The following SLC7A8 variants were observed in gnomAD, a reference collection of about 807,000 sequenced individuals.
The protein encoded by SLC7A8 is solute carrier family 7 member 8, also known as large neutral amino acids transporter small subunit 2.
In SLC7A8, 30 loss-of-function variants were observed where a neutral mutation model predicts 51.2. The observed-to-expected ratio is 0.59, with a 90% CI of 0.44 to 0.80. The LOEUF is 0.80. Among genes scored for constraint, SLC7A8 ranks in the 30% least tolerant of loss-of-function variants. The pLI, the probability that SLC7A8 is intolerant of heterozygous loss-of-function variation, is 0.00. For missense variants in SLC7A8, 612 were observed against 674.4 expected (o/e 0.91, Z 1.03); for synonymous variants, 257 against 275.8 (o/e 0.93, Z 0.67).
chr14:23,164,244 C>G (rs1215256811), intron 3 of SLC7A8, among the ~76,000 whole-genome samples: 1 of 152,232 alleles, frequency 6.6e-6, no homozygotes, highest in East Asian at 1.9e-4. Context: ...TGGACAAACC[C>G]TTCTCCAAGA....
At chr14:23,158,875 C>T (rs1387051289) in intron 3 of SLC7A8, among the ~76,000 whole-genome samples, 1 of 152,184 alleles carries the variant, frequency 6.6e-6, no homozygotes, top group East Asian at 1.9e-4. Context: ...GCCTAGCCTG[C>T]TTGTCTCTCT....
At chr14:23,130,572 G>C (rs1189081836) in intron 8 of SLC7A8, among the ~76,000 whole-genome samples, 2 of 152,048 alleles carry the variant, frequency 1.3e-5, no homozygotes, top group African/African-American at 4.8e-5. Context: ...TGCACCAATA[G>C]CTCTAACTGG....
At chr14:23,170,415 C>T (rs78832146) in intron 1 of SLC7A8, among the ~76,000 whole-genome samples, 3,352 of 152,170 alleles carry the variant, frequency 0.022, 134 homozygotes, top group African/African-American at 0.076. Flanking sequence ...TGACTATGAA[C>T]CTACCTATCT....
Position 23,165,592 on chromosome 14 carries a change from C to T in SLC7A8, c.357-156G>A, listed in dbSNP as rs2048945605. Among the ~76,000 whole-genome samples, 1 of 106,850 alleles carries T rather than the reference C, an allele frequency of 9.4e-6. No homozygotes were observed. Among genetic ancestry groups the T allele is most frequent in the Non-Finnish European group, 1.9e-5 (1 of 52,272 alleles). The allele number at this position is 106,850 out of a possible 152,430, so 70.1% of individuals were successfully genotyped here. A position where few individuals can be genotyped will look rare whatever the true frequency, so the allele number is the denominator to read the frequency against. The stretch of plus-strand genomic sequence containing the variant: ...CACAAATGAGACACCCAGCCCTCTG[C>T]AGTGACAATAAAATGGTTTAATGAA... On this transcript the variant is annotated intron_variant, in intron 2 of 10. Transcript: ENST00000316902. This position sits in a 1 kb window ranked among gnomAD's most constrained non-coding sequence, Gnocchi z 4.2.
At position 23,182,957 on chromosome 14, in the gene SLC7A8, T is replaced by C. The variant is rs1306866509; in HGVS notation, c.-43A>G. On this transcript the variant is annotated 5_prime_UTR_variant, in exon 1 of 11. Coordinates refer to ENST00000316902, the MANE Select transcript of SLC7A8 (RefSeq NM_012244.4). ...CAACCTCAAAAGCTGCCTCCCTTTC[T>C]AAATGCGTATTCGTGTAAATATATT... 6.2e-7 allele frequency: 1 copy of C among 1,613,076 alleles called. No individual in the cohort carries two copies. Among genetic ancestry groups the C allele is most frequent in the African/African-American group, 1.3e-5 (1 of 74,866 alleles).
rs2048949726 is a variant in SLC7A8, at chr14:23,166,321, C to T, written c.356+15G>A. 6 of 1,612,004 alleles carry T rather than the reference C, an allele frequency of 3.7e-6. No individual in the cohort carries two copies. In the South Asian group the frequency reaches 4.4e-5, roughly 12 times the overall value. ...TTTTCCCCTAGACCATTCAGGTCTC[C>T]ACAGATCCTCTTACCCAGCCAGTCC... On this transcript the variant is annotated intron_variant, in intron 2 of 10. Transcript: ENST00000316902.
chr14:23,159,655 G>A (rs1001259998), intron 3 of SLC7A8, among the ~76,000 whole-genome samples: 1 of 152,168 alleles, frequency 6.6e-6, no homozygotes, highest in Non-Finnish European at 1.5e-5. Context: ...CTGAGGTCAA[G>A]GGATTGATTA....
At chr14:23,155,406 C>A in intron 3 of SLC7A8, 1 of 1,455,760 alleles carries the variant, frequency 6.9e-7, no homozygotes, top group Non-Finnish European at 9.0e-7. Flanking sequence ...TCCTTCTTAT[C>A]CTGTTAGCTC....
chr14:23,152,032 C>T (rs1191571585), intron 3 of SLC7A8, among the ~76,000 whole-genome samples: 1 of 151,818 alleles, frequency 6.6e-6, no homozygotes, highest in Non-Finnish European at 1.5e-5. Flanking sequence ...ACAGAGATTC[C>T]ACCTCAAACA....
chr14:23,171,860 C>T (rs574622554), intron 1 of SLC7A8, among the ~76,000 whole-genome samples: 2 of 152,320 alleles, frequency 1.3e-5, no homozygotes, highest in South Asian at 4.1e-4. Flanking sequence ...AACAGCTCCT[C>T]AGGGGTGGTA....
chr14:23,134,404 T>C (rs1435780025), intron 7 of SLC7A8, among the ~76,000 whole-genome samples: 1 of 109,454 alleles, frequency 9.1e-6, no homozygotes, highest in African/African-American at 3.7e-5. Flanking sequence ...ACCACTGCAC[T>C]CCAGCCTGGG....
intron 8 of SLC7A8, among the ~76,000 whole-genome samples, chr14:23,130,599 C>A (rs1022516410): frequency 6.6e-6 from 1 of 152,150 alleles, no homozygotes; most frequent in African/African-American, 2.4e-5. Flanking sequence ...CAAAACAAAA[C>A]AAAACAAAAA....
intron 3 of SLC7A8, chr14:23,155,498 C>T: frequency 1.4e-6 from 2 of 1,396,016 alleles, no homozygotes; most frequent in Non-Finnish European, 1.9e-6. Flanking sequence ...ATACCCAGCT[C>T]AGCATTTTCC....
At chr14:23,145,564 C>T (rs566269488) in intron 3 of SLC7A8, among the ~76,000 whole-genome samples, 350 of 147,684 alleles carry the variant, frequency 2.4e-3, no homozygotes, top group African/African-American at 8.4e-3. Flanking sequence ...TTTTTTAAGA[C>T]ACCAAGGGCA....
intron 1 of SLC7A8, among the ~76,000 whole-genome samples, chr14:23,180,524 AT>A (rs1296273786): frequency 2.0e-5 from 3 of 152,222 alleles, no homozygotes; most frequent in Non-Finnish European, 4.4e-5. Flanking sequence ...TTTTGCAAAA[AT>A]ATCCCAATTT....
Position 23,143,130 on chromosome 14 carries a change from G to GCTTC in SLC7A8, c.579_582dup (p.Leu195GlufsTer31). The GCTTC allele has an allele frequency of 6.2e-7, 1 of 1,614,222 alleles. No homozygotes were observed. Among genetic ancestry groups the GCTTC allele is most frequent in the Non-Finnish European group, 8.5e-7 (1 of 1,180,044 alleles). ...ATGATAATCAGGGCCAAGGCCAGGA[G>GCTTC]CTTCCCAGCTGTGAAGATGTCTTGA... On this transcript the variant is annotated frameshift_variant, in exon 4 of 11. Transcript: ENST00000316902. LOFTEE classifies it high-confidence loss of function.
rs758825641 is a variant in SLC7A8, at chr14:23,131,537, C to T, written c.1037G>A (p.Arg346Gln). 14 of 1,605,796 alleles carry T rather than the reference C, an allele frequency of 8.7e-6. No individual in the cohort carries two copies. The highest frequency in any genetic ancestry group is 1.7e-4 in the Middle Eastern group (1 of 6,056). ...TSSRLFFAGA[R>Q]EGHLPSVLAM... ...CAACACACTGGGAAGGTGGCCCTCT[C>T]GGGCTCCAGCGAAGAACAGCCTGTC... The change falls in exon 8 of 11, where the codon CGA becomes CAA. Residue 346 changes from arginine (R) to glutamine (Q), a missense_variant. Coordinates refer to ENST00000316902, the MANE Select transcript of SLC7A8 (RefSeq NM_012244.4).
At chr14:23,160,257 G>T (rs922315286) in intron 3 of SLC7A8, among the ~76,000 whole-genome samples, 1 of 152,206 alleles carries the variant, frequency 6.6e-6, no homozygotes, top group African/African-American at 2.4e-5. Flanking sequence ...ACAGCCAAAA[G>T]ATGTGGCTAC....
chr14:23,170,396 T>C (rs2048969933), intron 1 of SLC7A8, among the ~76,000 whole-genome samples: 2 of 152,192 alleles, frequency 1.3e-5, no homozygotes, highest in Admixed American at 6.5e-5. Context: ...GGAAAAGGCT[T>C]TTCTACTTTG....
Sources: gnomAD v4.1 joint callset for allele counts (sites outside exome capture counted in the v4.1 genomes callset) on GRCh38, gnomAD v4.1.1 for gene constraint, Gnocchi (gnomAD v3.1) non-coding constraint, MANE v1.5 for transcripts, NCBI Gene and HGNC (gene_info 2026-07-23, HGNC 2026-07-21) for gene names.